Variants in METTL24 observed in about 807,000 individuals in gnomAD.
The protein encoded by METTL24 is methyltransferase like 24.
A neutral mutation model predicts 32.7 loss-of-function variants in METTL24; 29 were observed. The observed-to-expected ratio is 0.89, with a 90% CI of 0.66 to 1.21. The LOEUF (loss-of-function observed/expected upper bound fraction) is 1.21, where lower values mean the gene tolerates loss of function less well. Ranked by LOEUF, METTL24 falls within the 50% of genes most tolerant of loss-of-function variation. METTL24 has a pLI of 0.00. For missense variants in METTL24, 439 were observed against 468.1 expected, an observed-to-expected ratio of 0.94 and a Z score of 0.57; for synonymous variants, 163 against 179.5, an observed-to-expected ratio of 0.91 and a Z score of 0.73.
chr6:110,332,483 T>C (rs1772125868), intron 1 of METTL24: 9 of 982,962 alleles, frequency 9.2e-6, no homozygotes, highest in Non-Finnish European at 1.1e-5. Context: ...CTTGTTTTCA[T>C]GAGGTGGAAA....
intron 1 of METTL24, among the ~76,000 whole-genome samples, chr6:110,339,097 T>A (rs1324746225): frequency 6.6e-6 from 1 of 152,214 alleles, no homozygotes; most frequent in Non-Finnish European, 1.5e-5. Context: ...CTTATAGGAA[T>A]TTATTTTACA....
At chr6:110,279,485 AG>A (rs1193065422) in intron 4 of METTL24, among the ~76,000 whole-genome samples, 14 of 152,218 alleles carry the variant, frequency 9.2e-5, no homozygotes, top group African/African-American at 3.4e-4. Context: ...GCATATAAAA[AG>A]CCTTAAGACT....
chr6:110,295,720 G>C (rs796346357), intron 4 of METTL24, among the ~76,000 whole-genome samples: 10 of 151,808 alleles, frequency 6.6e-5, no homozygotes, highest in African/African-American at 2.4e-4. Context: ...AAAAACTCTT[G>C]AGTGGAACTA....
intron 1 of METTL24, among the ~76,000 whole-genome samples, chr6:110,338,987 G>T (rs1365519754): frequency 2.0e-5 from 3 of 152,220 alleles, no homozygotes; most frequent in Non-Finnish European, 4.4e-5. Context: ...ACCTCCCAGA[G>T]ATAACCTCCT....
intron 1 of METTL24, among the ~76,000 whole-genome samples, chr6:110,330,389 C>T (rs148307357): frequency 2.0e-4 from 31 of 152,202 alleles, no homozygotes; most frequent in Middle Eastern, 3.4e-3. Context: ...TGAAGCAGAG[C>T]GTAGGCAAAG....
chr6:110,283,695 T>C (rs917745864), intron 4 of METTL24, among the ~76,000 whole-genome samples: 5 of 152,228 alleles, frequency 3.3e-5, no homozygotes, highest in African/African-American at 1.2e-4. Context: ...ACTTCTGTCT[T>C]TTCAGCTACA....
chr6:110,281,534 A>G (rs1771135797), intron 4 of METTL24, among the ~76,000 whole-genome samples: 1 of 151,892 alleles, frequency 6.6e-6, no homozygotes, highest in African/African-American at 2.4e-5. Flanking sequence ...CCAGCCACTA[A>G]GGAGGCTGAG....
chr6:110,339,365 T>C (rs1772305888), intron 1 of METTL24, among the ~76,000 whole-genome samples: 1 of 152,154 alleles, frequency 6.6e-6, no homozygotes, highest in Non-Finnish European at 1.5e-5. Flanking sequence ...GGTAAACCAA[T>C]GAAATGTGTG....
chr6:110,358,230 G>T lies in METTL24; in HGVS notation c.43C>A (p.Arg15Ser), dbSNP rs1323685135. ...RPPGRGCGVL[R>S]RCLLGAVLLF... is the part of the protein sequence containing the mutation. ...AGCACAGCCCCGAGTAGACACCGGC[G>T]CAGGACGCCGCAGCCCCTCCCGGGC... Residue 15 changes from arginine to serine, a missense_variant, in exon 1 of 5, where the codon CGC becomes AGC. Physicochemically the swap from Arg to Ser is moderately radical, Grantham distance 110 (BLOSUM62 -1). Transcript: ENST00000338882. 4.6e-5 allele frequency: 68 copies of T among 1,486,264 alleles called. No individual in the cohort carries two copies. The highest frequency in any genetic ancestry group is 4.8e-5 in the Non-Finnish European group (54 of 1,125,206). 92.1% of individuals were successfully genotyped at this position (1,486,264 alleles called of 1,614,324 possible).
At chr6:110,350,243 A>G (rs932490651) in intron 1 of METTL24, among the ~76,000 whole-genome samples, 5 of 152,210 alleles carry the variant, frequency 3.3e-5, no homozygotes, top group Non-Finnish European at 7.3e-5. Context: ...GGTAGTGCCT[A>G]ATATGGACAA....
At chr6:110,276,000 T>C (rs557360825) in intron 4 of METTL24, among the ~76,000 whole-genome samples, 26 of 152,268 alleles carry the variant, frequency 1.7e-4, no homozygotes, top group African/African-American at 6.3e-4. Context: ...ACAGCATTCA[T>C]TGTCAGATGC....
intron 1 of METTL24, among the ~76,000 whole-genome samples, chr6:110,348,647 G>GTATAT: frequency 6.6e-6 from 1 of 152,272 alleles, no homozygotes; most frequent in East Asian, 1.9e-4. Flanking sequence ...CTGATTTGGG[G>GTATAT]ACGGATTCTG....
chr6:110,297,090 T>C (rs1453011699), intron 4 of METTL24, among the ~76,000 whole-genome samples: 1 of 152,244 alleles, frequency 6.6e-6, no homozygotes, highest in Non-Finnish European at 1.5e-5. Flanking sequence ...AGCAAATGCA[T>C]TCCTGGCAAT....
At chr6:110,290,881 C>G (rs1385909532) in intron 4 of METTL24, among the ~76,000 whole-genome samples, 1 of 152,132 alleles carries the variant, frequency 6.6e-6, no homozygotes, top group East Asian at 1.9e-4. Context: ...TAACATCAAT[C>G]TTTTAAATTT....
At chr6:110,331,885 T>TCAAAAC (rs1772116672) in intron 1 of METTL24, among the ~76,000 whole-genome samples, 1 of 151,704 alleles carries the variant, frequency 6.6e-6, no homozygotes, top group African/African-American at 2.4e-5. Flanking sequence ...TGGGCCAGGG[T>TCAAAAC]CAAAACAACA....
At chr6:110,274,161 C>T (rs934523438) in intron 4 of METTL24, among the ~76,000 whole-genome samples, 9 of 152,070 alleles carry the variant, frequency 5.9e-5, no homozygotes, top group African/African-American at 1.9e-4. Context: ...GGCATGATCT[C>T]GGCTCACTAC....
chr6:110,316,067 G>A (rs984192532), intron 2 of METTL24, among the ~76,000 whole-genome samples: 5 of 152,274 alleles, frequency 3.3e-5, no homozygotes, highest in African/African-American at 1.2e-4. Context: ...AGCTGATCAT[G>A]GGTCAAGTGA....
Position 110,295,841 on chromosome 6 carries a change from G to GGAAGGAAGGAAA in METTL24, c.786+3080_786+3081insTTTCCTTCCTTC, listed in dbSNP as rs1165460076. On this transcript the variant is annotated intron_variant, in intron 4 of 4. Transcript: ENST00000338882. ...AGGAAGGAAGGAAGGAAGGAAGGAA[G>GGAAGGAAGGAAA]GTTCTCTATAAAATGTACTAAAATT... Among the ~76,000 whole-genome samples the GGAAGGAAGGAAA allele has an allele frequency of 5.6e-3, 836 of 149,450 alleles. 8 individuals are homozygous for GGAAGGAAGGAAA. Among genetic ancestry groups the GGAAGGAAGGAAA allele is most frequent in the African/African-American group, 0.02 (806 of 41,034 alleles).
chr6:110,317,922 GC>G (rs1337499372), intron 2 of METTL24, among the ~76,000 whole-genome samples: 8 of 152,150 alleles, frequency 5.3e-5, no homozygotes, highest in Non-Finnish European at 1.2e-4. Flanking sequence ...TGATTTTTAT[GC>G]AGATGGCCTT....
Sources: allele counts gnomAD v4.1 joint callset (sites outside exome capture counted in the v4.1 genomes callset), GRCh38; gene constraint gnomAD v4.1.1; transcripts MANE v1.5; gene names NCBI Gene and HGNC (gene_info 2026-07-23, HGNC 2026-07-21).